The following SMARCAD1 variants were observed in gnomAD, a reference collection of about 807,000 sequenced individuals.
SMARCAD1 encodes the protein SWI/SNF-related matrix-associated actin-dependent regulator of chromatin subfamily A containing DEAD/H box 1.
A neutral mutation model predicts 127.1 loss-of-function variants in SMARCAD1; 25 were observed. The observed-to-expected ratio is 0.20, with a 90% CI of 0.14 to 0.27. SMARCAD1 has a LOEUF of 0.27. SMARCAD1 is among the 10% of genes least tolerant of loss of function. SMARCAD1 has a pLI of 1.00. For missense variants in SMARCAD1, 807 were observed against 1,206.0 expected, an observed-to-expected ratio of 0.67 and a Z score of 4.90; for synonymous variants, 400 against 396.9, an observed-to-expected ratio of 1.01 and a Z score of -0.09.
intron 11 of SMARCAD1, among the ~76,000 whole-genome samples, chr4:94,272,240 CTAAA>C (rs1752639267): frequency 1.3e-5 from 2 of 152,206 alleles, no homozygotes; most frequent in African/African-American, 4.8e-5. Flanking sequence ...AGCCTTGTCT[CTAAA>C]TACAATGGCA....
chr4:94,238,480 T>A (rs1560529296), intron 5 of SMARCAD1, among the ~76,000 whole-genome samples: 3 of 151,510 alleles, frequency 2.0e-5, no homozygotes, highest in Non-Finnish European at 4.4e-5. Context: ...TCTGATGATT[T>A]AAAAAAAAAG....
chr4:94,236,288 TAGG>T (rs1446253961), intron 4 of SMARCAD1, among the ~76,000 whole-genome samples: 3 of 152,132 alleles, frequency 2.0e-5, no homozygotes, highest in Non-Finnish European at 1.5e-5. Flanking sequence ...GAAGCTATAA[TAGG>T]AGAAAAATAG....
chr4:94,241,791 G>T (rs750841433), intron 6 of SMARCAD1, among the ~76,000 whole-genome samples: 4 of 152,082 alleles, frequency 2.6e-5, no homozygotes, highest in Non-Finnish European at 4.4e-5. Context: ...GATTAATCTT[G>T]GTGTAGAAAG....
intron 14 of SMARCAD1, 49 bp downstream of exon 14, chr4:94,275,014 A>C: frequency 7.5e-7 from 1 of 1,325,298 alleles, no homozygotes. Flanking sequence ...CAGCCCCCAA[A>C]TTTAAAAAAG....
intron 11 of SMARCAD1, among the ~76,000 whole-genome samples, chr4:94,272,854 T>C (rs974631592): frequency 2.0e-5 from 3 of 152,148 alleles, no homozygotes; most frequent in Admixed American, 6.5e-5. Context: ...TCACCCAGGC[T>C]GGAGTGCAGC....
At chr4:94,212,971 A>C in intron 2 of SMARCAD1, 1 of 828,282 alleles carries the variant, frequency 1.2e-6, no homozygotes, top group Admixed American at 2.3e-5. Flanking sequence ...CGGTGCCCAA[A>C]GTTGTCAATG....
intron 19 of SMARCAD1, 65 bp from the exon 20 acceptor site, chr4:94,280,527 A>T (rs1753872182): frequency 1.1e-5 from 15 of 1,348,548 alleles, no homozygotes; most frequent in South Asian, 4.9e-5. Flanking sequence ...GTTTTATTAA[A>T]CTTTTCTCAT....
At chr4:94,226,385 TC>T in intron 3 of SMARCAD1, 89 bp downstream of exon 3, 3 of 967,066 alleles carry the variant, frequency 3.1e-6, no homozygotes, top group Non-Finnish European at 4.5e-6. Context: ...TTTGGTGACT[TC>T]CCTTTTTTTT....
chr4:94,284,576 G>GTTT (rs1553922093), intron 22 of SMARCAD1, among the ~76,000 whole-genome samples: 46 of 135,294 alleles, frequency 3.4e-4, no homozygotes, highest in African/African-American at 1.3e-3. Flanking sequence ...TTTGGTTTTT[G>GTTT]TTTTTTTTTT....
intron 10 of SMARCAD1, among the ~76,000 whole-genome samples, chr4:94,270,382 T>C (rs1241991697): frequency 6.6e-6 from 1 of 152,100 alleles, no homozygotes; most frequent in South Asian, 2.1e-4. Context: ...AAAAATCAAA[T>C]CAACACAATT....
At chr4:94,226,065 C>A in intron 2 of SMARCAD1, 54 bp from the exon 3 acceptor site, 1 of 1,399,134 alleles carries the variant, frequency 7.1e-7, no homozygotes. Flanking sequence ...TAACTAACAA[C>A]AGATTCGTTT....
At chr4:94,268,237 T>G (rs985121013) in intron 10 of SMARCAD1, among the ~76,000 whole-genome samples, 4 of 152,252 alleles carry the variant, frequency 2.6e-5, no homozygotes, top group Admixed American at 2.6e-4. Context: ...TTATTTAAAT[T>G]TTAAAAATCT....
rs1233728320 is a variant in SMARCAD1 at position 94,278,830 on chromosome 4, T to G, written c.2296+97T>G. 3.1e-6 allele frequency: 5 copies of G among 1,600,442 alleles called. No homozygotes were observed. In the Admixed American group the frequency reaches 8.4e-5, roughly 27 times the overall value. The stretch of plus-strand genomic sequence containing the variant: ...AATGGGATTTGTGCATTTTAAAAAA[T>G]TATCTGGAATTTGAGGAAATAATTT... On this transcript the variant is annotated intron_variant, in intron 18 of 23. Transcript: ENST00000354268.
intron 10 of SMARCAD1, among the ~76,000 whole-genome samples, chr4:94,265,484 A>G (rs995933169): frequency 2.0e-5 from 3 of 151,824 alleles, no homozygotes; most frequent in South Asian, 2.1e-4. Flanking sequence ...GCTACTTTCA[A>G]TAAAATACTT....
rs755393309 is a variant in SMARCAD1, at chr4:94,208,071, G to A, written c.-50+1G>A. On this transcript the variant is annotated splice_donor_variant, in intron 1 of 23. Coordinates refer to ENST00000354268, the MANE Select transcript of SMARCAD1 (RefSeq NM_020159.5). LOFTEE classifies it low-confidence loss of function (5UTR_SPLICE). The stretch of plus-strand genomic sequence containing the variant: ...GGGGAACGTGCCTGCGCGTGCTTGG[G>A]TAAGAGGAGGTTGCATGAGGGTCAG... 4.0e-6 allele frequency: 2 copies of A among 501,786 alleles called. No individual in the cohort carries two copies. Among genetic ancestry groups the A allele is most frequent in the South Asian group, 3.1e-5 (2 of 64,792 alleles). 31.1% of individuals were successfully genotyped at this position (501,786 alleles called of 1,614,324 possible).
intron 5 of SMARCAD1, among the ~76,000 whole-genome samples, chr4:94,239,792 C>T (rs182852945): frequency 1.3e-5 from 2 of 152,146 alleles, no homozygotes; most frequent in Non-Finnish European, 2.9e-5. Flanking sequence ...AGGCTGATCT[C>T]GAACTCCTGA....
chr4:94,261,551 A>G (rs998921730), intron 9 of SMARCAD1, among the ~76,000 whole-genome samples: 1 of 152,266 alleles, frequency 6.6e-6, no homozygotes, highest in African/African-American at 2.4e-5. Flanking sequence ...GAGAAATACT[A>G]TAGAAATTAT....
chr4:94,268,689 A>G (rs1752094983), intron 10 of SMARCAD1, among the ~76,000 whole-genome samples: 1 of 152,192 alleles, frequency 6.6e-6, no homozygotes, highest in Non-Finnish European at 1.5e-5. Flanking sequence ...AGATTTGGTT[A>G]GCTACATGAC....
At chr4:94,239,530 G>A (rs1163542577) in intron 5 of SMARCAD1, among the ~76,000 whole-genome samples, 1 of 148,934 alleles carries the variant, frequency 6.7e-6, no homozygotes, top group Admixed American at 6.7e-5. Context: ...ATTTATTGAT[G>A]TTGTCCGGAG....
Sources: gnomAD v4.1 joint callset for allele counts (sites outside exome capture counted in the v4.1 genomes callset) on GRCh38, gnomAD v4.1.1 for gene constraint, MANE v1.5 for transcripts, NCBI Gene and HGNC (gene_info 2026-07-23, HGNC 2026-07-21) for gene names.